PAPPA: variants seen among roughly 807,000 people sequenced by gnomAD.
PAPPA encodes pappalysin-1.
In PAPPA, 60 loss-of-function variants were observed where a neutral mutation model predicts 164.0. The observed-to-expected ratio is 0.37, with a 90% CI of 0.30 to 0.45. The LOEUF (loss-of-function observed/expected upper bound fraction) is 0.45, where lower values mean the gene tolerates loss of function less well. Among genes scored for constraint, PAPPA ranks in the 20% least tolerant of loss-of-function variants. PAPPA has a pLI of 1.00. For missense variants in PAPPA, 1,782 were observed against 2,087.3 expected, an observed-to-expected ratio of 0.85 and a Z score of 2.85; for synonymous variants, 875 against 814.1, an observed-to-expected ratio of 1.07 and a Z score of -1.27.
intron 15 of PAPPA, among the ~76,000 whole-genome samples, chr9:116,351,844 C>T (rs970224038): frequency 2.6e-5 from 4 of 152,184 alleles, no homozygotes; most frequent in Non-Finnish European, 5.9e-5. Context: ...AGTCCCCGAG[C>T]CCCCGACATG....
At chr9:116,167,134 C>A (rs2118983389) in intron 1 of PAPPA, among the ~76,000 whole-genome samples, 1 of 152,224 alleles carries the variant, frequency 6.6e-6, no homozygotes, top group Non-Finnish European at 1.5e-5. Flanking sequence ...TTTAACTAGT[C>A]CTTTAGGAGA....
At chr9:116,204,844 T>G (rs1160701942) in intron 2 of PAPPA, among the ~76,000 whole-genome samples, 1 of 152,092 alleles carries the variant, frequency 6.6e-6, no homozygotes, top group East Asian at 1.9e-4. Context: ...ACAGTAATGT[T>G]CCTTCTAAAT....
At chr9:116,301,011 A>G (rs1845574001) in intron 9 of PAPPA, among the ~76,000 whole-genome samples, 1 of 152,110 alleles carries the variant, frequency 6.6e-6, no homozygotes, top group South Asian at 2.1e-4. Context: ...GAAGTAAGTG[A>G]AGCCAGTTGT....
chr9:116,205,308 A>C (rs1844219696), intron 2 of PAPPA, among the ~76,000 whole-genome samples: 1 of 152,062 alleles, frequency 6.6e-6, no homozygotes, highest in South Asian at 2.1e-4. Context: ...ATAAACAACC[A>C]ATTAAAATGT....
At chr9:116,185,208 C>T (rs560291806) in intron 1 of PAPPA, among the ~76,000 whole-genome samples, 2 of 152,244 alleles carry the variant, frequency 1.3e-5, no homozygotes, top group South Asian at 2.1e-4. Flanking sequence ...CCAGAGGACA[C>T]CAGAGGAGGC....
At chr9:116,260,265 T>C (rs1375358831) in intron 7 of PAPPA, among the ~76,000 whole-genome samples, 1 of 152,316 alleles carries the variant, frequency 6.6e-6, no homozygotes, top group South Asian at 2.1e-4. Context: ...ATGTTATAAT[T>C]TGACAAAGCT....
Position 116,207,553 on chromosome 9 carries a change from G to A in PAPPA, c.1576G>A (p.Ala526Thr). The change falls in exon 3 of 22, where the codon GCA becomes ACA. Residue 526 changes from alanine (A) to threonine (T), a missense_variant. Ala to Thr is a moderately conservative substitution (Grantham distance 58). Coordinates refer to ENST00000328252, the MANE Select transcript of PAPPA (RefSeq NM_002581.5). ...FFAKSSEEELAGVATWPWDKE... is the reference protein window; with the variant it reads ...FFAKSSEEELTGVATWPWDKE... ...TGCAAAATCCTCAGAGGAGGAGTTG[G>A]CAGGAGTAGCAACTTGGCCATGGGA... 1 of 1,613,586 alleles carries A rather than the reference G, an allele frequency of 6.2e-7. No individual in the cohort carries two copies.
intron 13 of PAPPA, among the ~76,000 whole-genome samples, chr9:116,340,732 TA>T (rs943889092): frequency 6.6e-6 from 1 of 152,218 alleles, no homozygotes; most frequent in Non-Finnish European, 1.5e-5. Flanking sequence ...TATCAGAGTT[TA>T]AAAAACAATG....
At chr9:116,361,329 G>A (rs1431173668) in intron 17 of PAPPA, among the ~76,000 whole-genome samples, 9 of 152,080 alleles carry the variant, frequency 5.9e-5, no homozygotes, top group Admixed American at 5.9e-4. Context: ...CACAATATGG[G>A]CCCCCTGCAC....
chr9:116,332,614 C>A, intron 12 of PAPPA, 146 bp downstream of exon 12: 1 of 723,668 alleles, frequency 1.4e-6, no homozygotes, highest in Non-Finnish European at 2.2e-6. Flanking sequence ...TCTGGTTGCC[C>A]TCAAATCAAG....
intron 2 of PAPPA, among the ~76,000 whole-genome samples, chr9:116,203,409 C>T (rs763340364): frequency 2.6e-5 from 4 of 152,018 alleles, no homozygotes; most frequent in African/African-American, 4.8e-5. Context: ...TTAAGTGATA[C>T]GGAGATAATA....
At chr9:116,243,353 C>T (rs1227960542) in intron 7 of PAPPA, among the ~76,000 whole-genome samples, 1 of 152,188 alleles carries the variant, frequency 6.6e-6, no homozygotes, top group Non-Finnish European at 1.5e-5. Context: ...CTACTGGTAG[C>T]ACTAACATTA....
chr9:116,173,269 G>A (rs543734756), intron 1 of PAPPA, among the ~76,000 whole-genome samples: 1 of 152,240 alleles, frequency 6.6e-6, no homozygotes, highest in East Asian at 1.9e-4. Flanking sequence ...CAAAACAATA[G>A]AAATTTAGTA....
chr9:116,381,735 G>C (rs1391154305), intron 20 of PAPPA, among the ~76,000 whole-genome samples: 1 of 152,226 alleles, frequency 6.6e-6, no homozygotes, highest in Non-Finnish European at 1.5e-5. Context: ...GCAAGTCCCT[G>C]TCTTTGAGTC....
intron 5 of PAPPA, among the ~76,000 whole-genome samples, chr9:116,221,710 G>GC (rs1385476347): frequency 3.3e-5 from 5 of 151,362 alleles, no homozygotes; most frequent in Admixed American, 2.6e-4. Flanking sequence ...GCATTACACT[G>GC]CCCCCCGCAA....
chr9:116,272,189 G>A (rs146447698), intron 9 of PAPPA, among the ~76,000 whole-genome samples: 4 of 152,294 alleles, frequency 2.6e-5, no homozygotes, highest in Non-Finnish European at 5.9e-5. Flanking sequence ...GTGGAATTTT[G>A]AGCTGGTCCA....
In PAPPA at chr9:116,377,563, C is replaced by T. The variant is rs1846671786; in HGVS notation, c.4606-13C>T. The stretch of plus-strand genomic sequence containing the variant: ...CCCAAGCCCATCTGACCTTTCTCTC[C>T]CTCTTCCCACAGAGAGTTGTCTGCA... On this transcript the variant is annotated splice_polypyrimidine_tract_variant and intron_variant, in intron 19 of 21. Transcript: ENST00000328252. 3 of 1,607,692 alleles carry T rather than the reference C, an allele frequency of 1.9e-6. No homozygotes were observed. The highest frequency in any genetic ancestry group is 2.6e-6 in the Non-Finnish European group (3 of 1,174,318).
chr9:116,225,933 A>G (rs1400684660), intron 5 of PAPPA, among the ~76,000 whole-genome samples: 3 of 152,166 alleles, frequency 2.0e-5, no homozygotes, highest in Non-Finnish European at 4.4e-5. Context: ...GCTGTGTGAA[A>G]TAAAAAGATG....
intron 9 of PAPPA, among the ~76,000 whole-genome samples, chr9:116,277,829 A>G (rs1426981254): frequency 6.6e-6 from 1 of 152,128 alleles, no homozygotes; most frequent in Non-Finnish European, 1.5e-5. Flanking sequence ...GGCGCGTGCC[A>G]CCACACCCAG....
Sources: allele counts gnomAD v4.1 joint callset (sites outside exome capture counted in the v4.1 genomes callset), GRCh38; gene constraint gnomAD v4.1.1; transcripts MANE v1.5; gene names NCBI Gene and HGNC (gene_info 2026-07-23, HGNC 2026-07-21).